Variants in UBR3 observed in about 807,000 individuals in gnomAD.
The protein encoded by UBR3 is E3 ubiquitin-protein ligase UBR3.
In UBR3, 85 loss-of-function variants were observed where a neutral mutation model predicts 243.2. That is an observed-to-expected ratio of 0.35 (90% CI 0.29 to 0.42). The LOEUF (loss-of-function observed/expected upper bound fraction) is 0.42, where lower values mean the gene tolerates loss of function less well. Among genes scored for constraint, UBR3 ranks in the 10% least tolerant of loss-of-function variants. UBR3 has a pLI of 1.00. For synonymous variants in UBR3, 748 were observed against 799.8 expected, an observed-to-expected ratio of 0.94 and a Z score of 1.09; for missense variants, 1,686 against 2,300.8, an observed-to-expected ratio of 0.73 and a Z score of 5.47.
intron 32 of UBR3, among the ~76,000 whole-genome samples, chr2:170,047,192 TCGGG>T (rs747581314): frequency 6.7e-6 from 1 of 150,254 alleles, no homozygotes. Flanking sequence ...GGTGGCGGTG[TCGGG>T]GGGGGGGTCT....
chr2:170,041,976 A>G (rs934808457), intron 32 of UBR3, among the ~76,000 whole-genome samples: 1 of 151,470 alleles, frequency 6.6e-6, no homozygotes, highest in African/African-American at 2.4e-5. Flanking sequence ...AAAACTTACC[A>G]TTTAAACAAT....
chr2:170,009,162 A>G (rs1457076458), intron 29 of UBR3, among the ~76,000 whole-genome samples: 2 of 152,114 alleles, frequency 1.3e-5, no homozygotes, highest in Non-Finnish European at 2.9e-5. Flanking sequence ...ACTAAACATT[A>G]TAGTACATGG....
At chr2:170,007,653 C>A (rs1277559860) in intron 28 of UBR3, among the ~76,000 whole-genome samples, 1 of 152,086 alleles carries the variant, frequency 6.6e-6, no homozygotes. Flanking sequence ...CACTTAAGGT[C>A]AGGAGTTTGA....
At chr2:169,977,822 C>T (rs551197001) in intron 24 of UBR3, among the ~76,000 whole-genome samples, 1 of 152,202 alleles carries the variant, frequency 6.6e-6, no homozygotes, top group Non-Finnish European at 1.5e-5. Flanking sequence ...GTCAAATTGA[C>T]ACCTCGTATT....
chr2:170,040,629 T>A lies in UBR3; in HGVS notation c.4557-253T>A, dbSNP rs1323899555. ...AGATCAGAAACACTCATAATCAAGT[T>A]AATGTATCCTAATTGTTCACTTTGA... On this transcript the variant is annotated intron_variant, in intron 31 of 38. Coordinates refer to ENST00000272793, the MANE Select transcript of UBR3 (RefSeq NM_172070.4). Among the ~76,000 whole-genome samples, 4 of 152,220 alleles carry A rather than the reference T, an allele frequency of 2.6e-5. No homozygotes were observed. The East Asian group carries it at 7.7e-4, about 29-fold the overall frequency.
At chr2:169,858,170 T>G (rs1559028678) in intron 1 of UBR3, among the ~76,000 whole-genome samples, 1 of 152,198 alleles carries the variant, frequency 6.6e-6, no homozygotes, top group East Asian at 1.9e-4. Context: ...GAGGTTATAA[T>G]AAAAATCTAA....
rs1000036661 is a variant in UBR3 at position 170,028,214 on chromosome 2, CA to C, written c.4454-1131del. On this transcript the variant is annotated intron_variant, in intron 30 of 38. Coordinates refer to ENST00000272793, the MANE Select transcript of UBR3 (RefSeq NM_172070.4). ...TAGAACATTTATTTTACTCAAATTA[CA>C]GCTCCCATATGTTTTATAACAGCTT... Among the ~76,000 whole-genome samples, 69 of 151,844 alleles carry C rather than the reference CA, an allele frequency of 4.5e-4. 1 individual carries two copies. Among genetic ancestry groups the C allele is most frequent in the African/African-American group, 1.6e-3 (67 of 41,490 alleles).
intron 33 of UBR3, among the ~76,000 whole-genome samples, chr2:170,059,527 T>C (rs904175052): frequency 2.0e-5 from 3 of 152,202 alleles, no homozygotes; most frequent in Admixed American, 2.0e-4. Flanking sequence ...TAAGAGATAA[T>C]TTACTTAAAT....
rs993438648 is a variant in UBR3 at position 170,083,059 on chromosome 2, A to G, written c.*1216A>G. 3 of 152,624 alleles carry G rather than the reference A, an allele frequency of 2.0e-5. No homozygotes were observed. Among genetic ancestry groups the G allele is most frequent in the Admixed American group, 2.0e-4 (3 of 15,286 alleles). The allele number at this position is 152,624 out of a possible 1,614,324, so 9.5% of individuals were successfully genotyped here. A position where few individuals can be genotyped will look rare whatever the true frequency, so the allele number is the denominator to read the frequency against. On this transcript the variant is annotated 3_prime_UTR_variant, in exon 39 of 39. Transcript: ENST00000272793. ...ATTTTTTTTCCTAAATGATTCAGTA[A>G]TTGAATGATTATTTAATATATAGTG... is the stretch of plus-strand genomic sequence containing the variant.
At chr2:169,946,999 T>C (rs2086811686) in intron 21 of UBR3, among the ~76,000 whole-genome samples, 1 of 152,158 alleles carries the variant, frequency 6.6e-6, no homozygotes, top group South Asian at 2.1e-4. Flanking sequence ...TTTACTAATG[T>C]GTAAGATTCT....
chr2:169,857,069 T>TTTTTTTTTG (rs2082906394), intron 1 of UBR3, among the ~76,000 whole-genome samples: 2 of 18,308 alleles, frequency 1.1e-4, no homozygotes, highest in East Asian at 1.4e-3. Flanking sequence ...ATTATGTTTT[T>TTTTTTTTTG]TTTTTTTTTT....
chr2:169,967,341 T>C (rs1352606087), intron 24 of UBR3, among the ~76,000 whole-genome samples: 2 of 135,458 alleles, frequency 1.5e-5, no homozygotes, highest in Non-Finnish European at 3.0e-5. Flanking sequence ...TAAGAATTAA[T>C]AGACCTGATG....
At chr2:170,032,912 C>G (rs185689073) in intron 31 of UBR3, among the ~76,000 whole-genome samples, 117 of 152,052 alleles carry the variant, frequency 7.7e-4, no homozygotes, top group African/African-American at 2.6e-3. Context: ...TATCTTGCTA[C>G]TCTTCATAAA....
At chr2:169,876,570 T>TGTATTGTATTGTATTGTATTGTA (rs1553500937) in intron 3 of UBR3, among the ~76,000 whole-genome samples, 8 of 151,628 alleles carry the variant, frequency 5.3e-5, no homozygotes, top group African/African-American at 1.9e-4. Flanking sequence ...TGTATTGTAT[T>TGTATTGTATTGTATTGTATTGTA]TTTTTGAGAC....
chr2:169,896,282 G>A (rs747575471), intron 7 of UBR3, among the ~76,000 whole-genome samples: 3 of 151,444 alleles, frequency 2.0e-5, no homozygotes, highest in Non-Finnish European at 3.0e-5. Context: ...GCAAGACTCC[G>A]TTTTGGGGGA....
At chr2:170,018,434 C>G (rs1017437829) in intron 30 of UBR3, among the ~76,000 whole-genome samples, 1 of 152,114 alleles carries the variant, frequency 6.6e-6, no homozygotes, top group East Asian at 1.9e-4. Context: ...GGTCAGAGCT[C>G]TAGCCCTCCT....
chr2:169,872,065 C>T (rs1413387733), intron 1 of UBR3, among the ~76,000 whole-genome samples, 171 bp from the exon 2 acceptor site: 1 of 152,012 alleles, frequency 6.6e-6, no homozygotes, highest in Non-Finnish European at 1.5e-5. Flanking sequence ...ACCTGAGTGC[C>T]ATTTTTTGTA....
At position 169,853,172 on chromosome 2, in the gene UBR3, G is replaced by T. The variant is rs193060722; in HGVS notation, c.546-19064G>T. ...TTACTTATGAATGCTTGAGAAAATG[G>T]TGCTGTCCTTAGCTGCAATACGGAA... On this transcript the variant is annotated intron_variant, in intron 1 of 38. Coordinates refer to ENST00000272793, the MANE Select transcript of UBR3 (RefSeq NM_172070.4). Among the ~76,000 whole-genome samples, 247 of 152,250 alleles carry T rather than the reference G, an allele frequency of 1.6e-3. 1 individual carries two copies. Among genetic ancestry groups the T allele is most frequent in the Non-Finnish European group, 2.5e-3 (173 of 68,024 alleles).
At position 170,029,360 on chromosome 2, in the gene UBR3, G is replaced by A. The variant is rs1210945018; in HGVS notation, c.4468G>A (p.Val1490Ile). 5.0e-6 allele frequency: 8 copies of A among 1,608,294 alleles called. No homozygotes were observed. Among genetic ancestry groups the A allele is most frequent in the Non-Finnish European group, 5.9e-6 (7 of 1,177,512 alleles). ...KRSCLNQLFH[V>I]LALHMRLYSI... ...AATTTTTTCAGATCAGCTGTTTCAT[G>A]TATTAGCCTTGCACATGCGGCTTTA... Residue 1490 changes from valine (V) to isoleucine (I), a missense_variant, in exon 31 of 39, where the codon GTA becomes ATA. Physicochemically the swap from Val to Ile is conservative, Grantham distance 29 (BLOSUM62 3). This residue lies in a region of UBR3 where 371 missense variants were observed against 422.5 expected (regional missense o/e 0.88). Coordinates refer to ENST00000272793, the MANE Select transcript of UBR3 (RefSeq NM_172070.4).
Sources: gnomAD v4.1 joint callset for allele counts (sites outside exome capture counted in the v4.1 genomes callset) on GRCh38, gnomAD v4.1.1 for gene constraint, gnomAD v4.1.1 regional missense constraint, MANE v1.5 for transcripts, NCBI Gene and HGNC (gene_info 2026-07-23, HGNC 2026-07-21) for gene names.